BCKDHB: variants seen among roughly 807,000 people sequenced by gnomAD.
The protein encoded by BCKDHB is branched chain keto acid dehydrogenase E1 subunit beta, also known as 2-oxoisovalerate dehydrogenase subunit beta, mitochondrial.
Under a neutral mutation model 48.5 loss-of-function variants are expected in BCKDHB, and 41 were observed. The observed-to-expected ratio is 0.85, with a 90% CI of 0.66 to 1.10. BCKDHB has a LOEUF of 1.10. Among genes scored for constraint, BCKDHB ranks in the 50% least tolerant of loss-of-function variants. The pLI is 0.00. For missense variants in BCKDHB, 496 were observed against 494.2 expected (o/e 1.00, Z -0.03); for synonymous variants, 201 against 174.8 (o/e 1.15, Z -1.18).
chr6:80,416,730 G>T, the BCKDHB span, among the ~76,000 whole-genome samples: 1 of 151,476 alleles, frequency 6.6e-6, no homozygotes, highest in Admixed American at 6.6e-5. Context: ...GTCCCATGTG[G>T]TGGTGAGAAT....
At chr6:80,192,619 G>A (rs955748514) in intron 6 of BCKDHB, among the ~76,000 whole-genome samples, 3 of 152,110 alleles carry the variant, frequency 2.0e-5, no homozygotes. Flanking sequence ...GATTGAACAA[G>A]TTGTGTTATA....
At chr6:80,391,414 G>C in the BCKDHB span, among the ~76,000 whole-genome samples, 2 of 152,170 alleles carry the variant, frequency 1.3e-5, no homozygotes, top group African/African-American at 4.8e-5. Context: ...GAGAGGCAGA[G>C]GGAATTTGGG....
At chr6:80,400,777 C>T in the BCKDHB span, among the ~76,000 whole-genome samples, 2 of 152,098 alleles carry the variant, frequency 1.3e-5, no homozygotes, top group East Asian at 3.9e-4. Context: ...ATGTTGATTG[C>T]AGCGCTATTC....
chr6:80,263,155 C>T (rs1030284469), intron 8 of BCKDHB, among the ~76,000 whole-genome samples: 3 of 152,074 alleles, frequency 2.0e-5, no homozygotes, highest in Non-Finnish European at 2.9e-5. Context: ...ATTTTTGTGC[C>T]TCTGTTGTGC....
intron 9 of BCKDHB, among the ~76,000 whole-genome samples, chr6:80,280,300 A>G (rs1778144388): frequency 6.6e-6 from 1 of 152,222 alleles, no homozygotes. Context: ...TACTATAATT[A>G]TTTAAGGCAA....
chr6:80,233,298 T>G (rs2127893343), intron 8 of BCKDHB, among the ~76,000 whole-genome samples: 1 of 152,308 alleles, frequency 6.6e-6, no homozygotes, highest in East Asian at 1.9e-4. Context: ...GGCTAATGAT[T>G]TTTATTACCC....
chr6:80,206,525 A>G (rs975324743), intron 8 of BCKDHB, among the ~76,000 whole-genome samples: 3 of 150,538 alleles, frequency 2.0e-5, no homozygotes, highest in South Asian at 2.1e-4. Context: ...GAGGGTGGAG[A>G]ATTACCCTAG....
chr6:80,432,302 C>T, the BCKDHB span, among the ~76,000 whole-genome samples: 2 of 152,192 alleles, frequency 1.3e-5, no homozygotes, highest in Non-Finnish European at 2.9e-5. Flanking sequence ...TTCTGCCCAT[C>T]AATTTCAGGT....
rs79290164 is a variant in BCKDHB at position 80,306,977 on chromosome 6, T to C, written c.1038+33756T>C. ...CAGAGTCAGTTTCCAGAAGTATTCA[T>C]TGGACCAACCTCCAGCATATCCCAG... On this transcript the variant is annotated intron_variant, in intron 9 of 9. Transcript: ENST00000320393. 2.7e-3 allele frequency among the ~76,000 whole-genome samples: 413 copies of C among 152,300 alleles called. 2 individuals carry two copies. Among genetic ancestry groups the C allele is most frequent in the African/African-American group, 9.2e-3 (382 of 41,562 alleles).
At chr6:80,452,325 G>A in the BCKDHB span, among the ~76,000 whole-genome samples, 1 of 152,126 alleles carries the variant, frequency 6.6e-6, no homozygotes, top group Admixed American at 6.6e-5. Flanking sequence ...TACAGGGAAG[G>A]GAAGAACAAA....
the BCKDHB span, among the ~76,000 whole-genome samples, chr6:80,395,186 G>A: frequency 1.3e-5 from 2 of 152,198 alleles, no homozygotes; most frequent in Non-Finnish European, 2.9e-5. Context: ...AAATGTGGAA[G>A]CAAGTTTGGA....
At chr6:80,395,838 C>T in the BCKDHB span, among the ~76,000 whole-genome samples, 2 of 152,164 alleles carry the variant, frequency 1.3e-5, no homozygotes, top group Non-Finnish European at 1.5e-5. Flanking sequence ...AGCCTTAGAA[C>T]GTGGTGCCCT....
At chr6:80,408,134 C>A in the BCKDHB span, among the ~76,000 whole-genome samples, 3 of 152,032 alleles carry the variant, frequency 2.0e-5, no homozygotes, top group East Asian at 5.8e-4. Context: ...GTGGTTTGTT[C>A]TGTTTGTGTG....
At chr6:80,245,941 G>A (rs758066105) in intron 8 of BCKDHB, among the ~76,000 whole-genome samples, 1 of 152,092 alleles carries the variant, frequency 6.6e-6, no homozygotes, top group Non-Finnish European at 1.5e-5. Context: ...GCCAAACATG[G>A]TGGTATGTGC....
At position 80,247,971 on chromosome 6, in the gene BCKDHB, T is replaced by G. The variant is rs542372672; in HGVS notation, c.952-25164T>G. 2.0e-5 allele frequency among the ~76,000 whole-genome samples: 3 copies of G among 152,352 alleles called. No homozygotes were observed. The East Asian group carries it at 5.8e-4, about 29-fold the overall frequency. On this transcript the variant is annotated intron_variant, in intron 8 of 9. Coordinates refer to ENST00000320393, the MANE Select transcript of BCKDHB (RefSeq NM_183050.4). ...AGTGGGAATTCCAATTATTATTGCC[T>G]GGTAATTAAAAGACCTGCTTGCCTC...
At chr6:80,121,027 G>A (rs976862089) in intron 1 of BCKDHB, among the ~76,000 whole-genome samples, 8 of 152,114 alleles carry the variant, frequency 5.3e-5, no homozygotes, top group African/African-American at 1.7e-4. Context: ...TCCATCTTGA[G>A]TTAATTTTTG....
the BCKDHB span, among the ~76,000 whole-genome samples, chr6:80,391,660 G>A: frequency 0.035 from 5,372 of 152,208 alleles, 295 homozygotes; most frequent in African/African-American, 0.11. Context: ...AGCCTCCAAA[G>A]TTATGGTAAT....
chr6:80,332,139 C>G (rs1245195722), intron 9 of BCKDHB, among the ~76,000 whole-genome samples: 1 of 152,122 alleles, frequency 6.6e-6, no homozygotes, highest in Admixed American at 6.5e-5. Context: ...CCCATGTCTG[C>G]TTGATGGCGC....
the BCKDHB span, chr6:80,374,227 C>T: frequency 1.3e-6 from 1 of 740,970 alleles, no homozygotes; most frequent in Non-Finnish European, 2.5e-6. Context: ...TGGATATGCT[C>T]AATGGCCAGA....
Sources: gnomAD v4.1 joint callset for allele counts (sites outside exome capture counted in the v4.1 genomes callset) on GRCh38, gnomAD v4.1.1 for gene constraint, MANE v1.5 for transcripts, NCBI Gene and HGNC (gene_info 2026-07-23, HGNC 2026-07-21) for gene names.